SPARCL1: variants seen among roughly 807,000 people sequenced by gnomAD.
SPARCL1 encodes the protein SPARC like 1, also known as SPARC-like protein 1.
In SPARCL1, 52 loss-of-function variants were observed where a neutral mutation model predicts 67.1. That is an observed-to-expected ratio of 0.78 (90% CI 0.62 to 0.98). The LOEUF is 0.98. Ranked by LOEUF, SPARCL1 falls within the 50% of genes least tolerant of loss-of-function variation. The pLI is 0.00. For missense variants in SPARCL1, 717 were observed against 782.4 expected, an observed-to-expected ratio of 0.92 and a Z score of 1.00; for synonymous variants, 226 against 267.8, an observed-to-expected ratio of 0.84 and a Z score of 1.52.
intron 1 of SPARCL1, among the ~76,000 whole-genome samples, chr4:87,500,785 C>T (rs1352608984): frequency 3.8e-5 from 4 of 104,474 alleles, no homozygotes; most frequent in African/African-American, 1.0e-4. Flanking sequence ...CACACACGTA[C>T]GCGCGCACGC....
At chr4:87,506,769 TCTATCTATCTATC>T (rs1725093610) in intron 1 of SPARCL1, among the ~76,000 whole-genome samples, 3 of 49,388 alleles carry the variant, frequency 6.1e-5, no homozygotes, top group African/African-American at 8.9e-5. Flanking sequence ...TATCTATATC[TCTATCTATCTATC>T]ATCTATCTAT....
chr4:87,480,590 C>T, intron 8 of SPARCL1, 70 bp from the exon 9 acceptor site: 1 of 1,352,426 alleles, frequency 7.4e-7, no homozygotes, highest in Non-Finnish European at 1.0e-6. Flanking sequence ...TTGCTATAAA[C>T]TTTACTTGAA....
At chr4:87,517,087 A>G (rs982317310) in intron 1 of SPARCL1, among the ~76,000 whole-genome samples, 2 of 152,204 alleles carry the variant, frequency 1.3e-5, no homozygotes, top group Admixed American at 6.5e-5. Context: ...AAGTCCTACT[A>G]TGGTATCTGT....
chr4:87,473,635 CA>C lies in SPARCL1; in HGVS notation c.*139del. On this transcript the variant is annotated 3_prime_UTR_variant, in exon 11 of 11. Coordinates refer to ENST00000282470, the MANE Select transcript of SPARCL1 (RefSeq NM_004684.6). ...AAATACCTGGTGCATAGGTTGTTGT[CA>C]AGCAATTACTCTCATTGTCTTGTCA... is the stretch of plus-strand genomic sequence containing the variant. 1.7e-6 allele frequency: 1 copy of C among 579,556 alleles called. No individual in the cohort carries two copies. Among genetic ancestry groups the C allele is most frequent in the Non-Finnish European group, 3.0e-6 (1 of 328,610 alleles). 35.9% of individuals were successfully genotyped at this position (579,556 alleles called of 1,614,324 possible).
At position 87,473,744 on chromosome 4, in the gene SPARCL1, G is replaced by A; in HGVS notation, c.*31C>T. The A allele has an allele frequency of 4.5e-6, 7 of 1,565,572 alleles. No individual in the cohort carries two copies. Among genetic ancestry groups the A allele is most frequent in the Non-Finnish European group, 6.1e-6 (7 of 1,138,862 alleles). ...TGAAGTGGTTAGAACAGAGGAGGAT[G>A]CTGGAAAGTTGAGTTCTTTAAAATC... On this transcript the variant is annotated 3_prime_UTR_variant, in exon 11 of 11. Coordinates refer to ENST00000282470, the MANE Select transcript of SPARCL1 (RefSeq NM_004684.6).
At chr4:87,512,131 AT>A (rs1459670673) in intron 1 of SPARCL1, among the ~76,000 whole-genome samples, 1 of 151,506 alleles carries the variant, frequency 6.6e-6, no homozygotes, top group Non-Finnish European at 1.5e-5. Context: ...AACCCAGCTA[AT>A]TTTTTTGTAT....
chr4:87,523,513 A>G (rs1028487596), intron 1 of SPARCL1, among the ~76,000 whole-genome samples: 2 of 152,224 alleles, frequency 1.3e-5, no homozygotes, highest in Non-Finnish European at 2.9e-5. Flanking sequence ...GGAGAACATG[A>G]CCACGAGTGA....
At chr4:87,516,293 C>G (rs967031832) in intron 1 of SPARCL1, among the ~76,000 whole-genome samples, 1 of 152,142 alleles carries the variant, frequency 6.6e-6, no homozygotes, top group African/African-American at 2.4e-5. Flanking sequence ...CCCACCAGAT[C>G]TCGAGACATT....
intron 10 of SPARCL1, among the ~76,000 whole-genome samples, chr4:87,477,127 C>T (rs779704759): frequency 1.3e-5 from 2 of 152,242 alleles, no homozygotes; most frequent in African/African-American, 2.4e-5. Flanking sequence ...CCCAGACAAC[C>T]GCCCAGCGGA....
At chr4:87,494,674 T>C in intron 3 of SPARCL1, 76 bp from the exon 4 acceptor site, 1 of 1,172,660 alleles carries the variant, frequency 8.5e-7, no homozygotes, top group Non-Finnish European at 1.2e-6. Flanking sequence ...ACATTTAATA[T>C]TCATTATTCT....
intron 6 of SPARCL1, 117 bp from the exon 7 acceptor site, chr4:87,490,510 G>A (rs1175518368): frequency 1.7e-6 from 2 of 1,202,926 alleles, no homozygotes; most frequent in Non-Finnish European, 2.3e-6. Flanking sequence ...GGTCAGGTAG[G>A]TGAGACTATT....
chr4:87,473,565 GT>G lies in SPARCL1; in HGVS notation c.*209del. The G allele has an allele frequency of 2.2e-6, 1 of 447,012 alleles. No individual in the cohort carries two copies. The highest frequency in any genetic ancestry group is 2.0e-5 in the African/African-American group (1 of 49,624). 27.7% of individuals were successfully genotyped at this position (447,012 alleles called of 1,614,324 possible). A position where few individuals can be genotyped will look rare whatever the true frequency, so the allele number is the denominator to read the frequency against. On this transcript the variant is annotated 3_prime_UTR_variant, in exon 11 of 11. Coordinates refer to ENST00000282470, the MANE Select transcript of SPARCL1 (RefSeq NM_004684.6). Reference sequence around the variant, plus strand: ...TCACAATGTACAGTATTTTGCATATGTTGACTTTACTTAATTGTACATTTTT... The same window carrying G: ...TCACAATGTACAGTATTTTGCATATGTGACTTTACTTAATTGTACATTTTT...
intron 8 of SPARCL1, 108 bp from the exon 9 acceptor site, chr4:87,480,628 C>G: frequency 9.8e-7 from 1 of 1,015,690 alleles, no homozygotes; most frequent in Non-Finnish European, 1.4e-6. Flanking sequence ...TAGGGGAAAA[C>G]AAGCTCAGGA....
In SPARCL1 at chr4:87,482,586, A is replaced by T. The variant is rs140697488; in HGVS notation, c.1532-26T>A. 486 of 1,613,286 alleles carry T rather than the reference A, an allele frequency of 3.0e-4. No homozygotes were observed. In the African/African-American group the frequency reaches 6.0e-3, roughly 20 times the overall value. The stretch of plus-strand genomic sequence containing the variant: ...CTGTTACAAGCAGAAAATGTACTGT[A>T]ATCTTTGGGCTTATTTGTGTCCTAT... On this transcript the variant is annotated intron_variant, in intron 7 of 10. Coordinates refer to ENST00000282470, the MANE Select transcript of SPARCL1 (RefSeq NM_004684.6).
chr4:87,521,275 C>T (rs1725806190), intron 1 of SPARCL1, among the ~76,000 whole-genome samples: 1 of 152,130 alleles, frequency 6.6e-6, no homozygotes, highest in Non-Finnish European at 1.5e-5. Context: ...CACCTGCTCC[C>T]CTGGGCACTT....
intron 1 of SPARCL1, among the ~76,000 whole-genome samples, chr4:87,510,907 C>T (rs966248594): frequency 1.3e-5 from 2 of 152,212 alleles, no homozygotes; most frequent in Non-Finnish European, 2.9e-5. Flanking sequence ...GGTGCCCACA[C>T]CTGGACGCTG....
chr4:87,505,031 G>A (rs1407550713), intron 1 of SPARCL1: 2 of 152,064 alleles, frequency 1.3e-5, no homozygotes, highest in Non-Finnish European at 2.9e-5. Context: ...CTAATACATT[G>A]AAAAACACCT....
intron 1 of SPARCL1, among the ~76,000 whole-genome samples, chr4:87,502,964 G>A (rs1011066753): frequency 7.2e-5 from 11 of 152,206 alleles, no homozygotes; most frequent in Admixed American, 1.3e-4. Flanking sequence ...ACCTTGAGAA[G>A]CAAATATAAA....
chr4:87,513,366 A>G (rs1244021208), intron 1 of SPARCL1, among the ~76,000 whole-genome samples: 2 of 152,210 alleles, frequency 1.3e-5, no homozygotes, highest in Non-Finnish European at 2.9e-5. Context: ...TCAGTATCCA[A>G]TATTCTCCCC....
Sources: gnomAD v4.1 joint callset for allele counts (sites outside exome capture counted in the v4.1 genomes callset) on GRCh38, gnomAD v4.1.1 for gene constraint, MANE v1.5 for transcripts, NCBI Gene and HGNC (gene_info 2026-07-23, HGNC 2026-07-21) for gene names.